ANKRD30B: variants seen among roughly 807,000 people sequenced by gnomAD.
ANKRD30B encodes ankyrin repeat domain-containing protein 30B.
ANKRD30B carries 144 observed loss-of-function variants against 202.2 expected under a neutral mutation model. The observed-to-expected ratio is 0.71, with a 90% CI of 0.62 to 0.82. The LOEUF (loss-of-function observed/expected upper bound fraction) is 0.82, where lower values mean the gene tolerates loss of function less well. Among genes scored for constraint, ANKRD30B ranks in the 40% least tolerant of loss-of-function variants. The pLI is 0.00. For synonymous variants in ANKRD30B, 508 were observed against 561.3 expected, an observed-to-expected ratio of 0.91 and a Z score of 1.34; for missense variants, 1,487 against 1,669.1, an observed-to-expected ratio of 0.89 and a Z score of 1.90.
rs1026033032 is a variant in ANKRD30B at position 14,799,434 on chromosome 18, A to G, written c.2131+139A>G. The G allele has an allele frequency of 2.0e-5, 19 of 940,264 alleles. 1 individual carries two copies. The highest frequency in any genetic ancestry group is 3.2e-5 in the Admixed American group (1 of 31,140). 58.2% of individuals were successfully genotyped at this position (940,264 alleles called of 1,614,324 possible). The stretch of plus-strand genomic sequence containing the variant: ...TTGATAAAATAATGGCAACATTAGT[A>G]TTCATGTTTGAGAAAATGCCATTTA... On this transcript the variant is annotated intron_variant, in intron 22 of 43. Coordinates refer to ENST00000690538, the MANE Select transcript of ANKRD30B (RefSeq NM_001367607.2).
the ANKRD30B span, among the ~76,000 whole-genome samples, chr18:14,866,799 G>C: frequency 6.6e-6 from 1 of 151,892 alleles, no homozygotes; most frequent in Non-Finnish European, 1.5e-5. Context: ...CGCTATCAGG[G>C]TCTACACTGC....
chr18:14,757,858 G>T lies in ANKRD30B; in HGVS notation c.661G>T (p.Val221Phe), dbSNP rs751667674. ...LAICEGSSEIVGMLLQQNVDV... is the reference protein window; with the variant it reads ...LAICEGSSEIFGMLLQQNVDV... ...CATATGTGAAGGCTCATCAGAGATA[G>T]TCGGCATGCTTCTTCAGCAAAATGT... The change falls in exon 5 of 44, where the codon GTC (valine) becomes TTC (phenylalanine). Residue 221 changes from valine to phenylalanine, a missense_variant. By Grantham distance (50) the Val-to-Phe change is conservative. Transcript: ENST00000690538. 4 of 1,613,874 alleles carry T rather than the reference G, an allele frequency of 2.5e-6. No homozygotes were observed. The highest frequency in any genetic ancestry group is 3.4e-6 in the Non-Finnish European group (4 of 1,179,930).
chr18:14,938,700 G>T, the ANKRD30B span, among the ~76,000 whole-genome samples: 1 of 152,190 alleles, frequency 6.6e-6, no homozygotes, highest in Admixed American at 6.5e-5. Context: ...TGAACATGGG[G>T]AGTCGGGCTA....
At chr18:14,767,955 C>T (rs72871984) in intron 7 of ANKRD30B, among the ~76,000 whole-genome samples, 2 of 152,078 alleles carry the variant, frequency 1.3e-5, no homozygotes, top group Admixed American at 6.5e-5. Flanking sequence ...TGTTTTCTGG[C>T]GTACAACTCA....
At chr18:14,810,802 T>C (rs1568037604) in intron 28 of ANKRD30B, among the ~76,000 whole-genome samples, 1 of 151,180 alleles carries the variant, frequency 6.6e-6, no homozygotes, top group Non-Finnish European at 1.5e-5. Context: ...TTGTTGTCAT[T>C]CCCATGCATG....
the ANKRD30B span, among the ~76,000 whole-genome samples, chr18:14,869,184 A>G: frequency 1.3e-5 from 2 of 152,206 alleles, no homozygotes; most frequent in African/African-American, 2.4e-5. Flanking sequence ...TTTTCTTGCT[A>G]GCTTGAGGGT....
chr18:14,937,626 T>C, the ANKRD30B span, among the ~76,000 whole-genome samples: 1 of 151,652 alleles, frequency 6.6e-6, no homozygotes, highest in African/African-American at 2.4e-5. Context: ...TTCCTCGAGC[T>C]TAATAAAACC....
chr18:14,791,231 G>T (rs947029386), intron 15 of ANKRD30B, among the ~76,000 whole-genome samples, 170 bp from the exon 16 acceptor site: 39 of 152,082 alleles, frequency 2.6e-4, no homozygotes, highest in African/African-American at 9.4e-4. Context: ...TGGGATTGAT[G>T]GTGATTTCTA....
At chr18:14,749,757 G>GA (rs1390724070) in intron 1 of ANKRD30B, among the ~76,000 whole-genome samples, 1 of 145,624 alleles carries the variant, frequency 6.9e-6, no homozygotes, top group African/African-American at 2.5e-5. Context: ...CAACAGAATA[G>GA]AAAATCCAGA....
the ANKRD30B span, among the ~76,000 whole-genome samples, chr18:14,924,148 A>C: frequency 1.8e-4 from 28 of 152,360 alleles, no homozygotes; most frequent in African/African-American, 6.3e-4. Context: ...CTTGAAATAA[A>C]GAGAAAAGAA....
Position 14,772,142 on chromosome 18 carries a change from A to T in ANKRD30B, c.1257-14A>T. The T allele has an allele frequency of 6.8e-7, 1 of 1,465,744 alleles. No individual in the cohort carries two copies. Among genetic ancestry groups the T allele is most frequent in the Non-Finnish European group, 9.1e-7 (1 of 1,095,302 alleles). 90.8% of individuals were successfully genotyped at this position (1,465,744 alleles called of 1,614,324 possible). A position where few individuals can be genotyped will look rare whatever the true frequency, so the allele number is the denominator to read the frequency against. On this transcript the variant is annotated splice_polypyrimidine_tract_variant and intron_variant, in intron 8 of 43. Coordinates refer to ENST00000690538, the MANE Select transcript of ANKRD30B (RefSeq NM_001367607.2). ...TGAATTTGCTCATTTATGTTGTATC[A>T]TTTTTCTTTAAAGTCTTTTTGGCAC...
At chr18:14,913,467 TATATTAAG>T in the ANKRD30B span, among the ~76,000 whole-genome samples, 1 of 152,198 alleles carries the variant, frequency 6.6e-6, no homozygotes, top group Non-Finnish European at 1.5e-5. Flanking sequence ...GGTATTCAAA[TATATTAAG>T]ATAATTTATT....
chr18:14,821,360 T>A (rs1311425729), intron 30 of ANKRD30B, among the ~76,000 whole-genome samples: 1 of 152,206 alleles, frequency 6.6e-6, no homozygotes, highest in Non-Finnish European at 1.5e-5. Flanking sequence ...TGTCTCTATT[T>A]CCTTCAGTTC....
chr18:14,855,223 G>C (rs1459435926), downstream of ANKRD30B, among the ~76,000 whole-genome samples: 5 of 152,148 alleles, frequency 3.3e-5, no homozygotes, highest in Non-Finnish European at 5.9e-5. Flanking sequence ...GGGGTTGGGG[G>C]TAAGGTTATA....
chr18:14,748,334 G>C lies in ANKRD30B; in HGVS notation c.-86G>C. On this transcript the variant is annotated 5_prime_UTR_variant, in exon 1 of 44. Coordinates refer to ENST00000690538, the MANE Select transcript of ANKRD30B (RefSeq NM_001367607.2). ...CGAGCCGGGGGCGGGTGCTGGGGAA[G>C]GGTAAGCGGGAAGCGAGGGCGAGGG... 1.7e-6 allele frequency: 2 copies of C among 1,177,512 alleles called. No homozygotes were observed. The highest frequency in any genetic ancestry group is 2.3e-6 in the Non-Finnish European group (2 of 875,466). The allele number at this position is 1,177,512 out of a possible 1,614,324, so 72.9% of individuals were successfully genotyped here.
chr18:14,852,529 A>G lies in ANKRD30B; in HGVS notation c.4476+109A>G, dbSNP rs1971936744. 5 of 1,330,480 alleles carry G rather than the reference A, an allele frequency of 3.8e-6. No individual in the cohort carries two copies. The South Asian group carries it at 1.0e-4, about 28-fold the overall frequency. 82.4% of individuals were successfully genotyped at this position (1,330,480 alleles called of 1,614,324 possible). A position where few individuals can be genotyped will look rare whatever the true frequency, so the allele number is the denominator to read the frequency against. The stretch of plus-strand genomic sequence containing the variant: ...ATATATATAAATAGATGATAAATGT[A>G]CTTACTATATCAGCTTAGAAACATG... On this transcript the variant is annotated intron_variant, in intron 42 of 43. Coordinates refer to ENST00000690538, the MANE Select transcript of ANKRD30B (RefSeq NM_001367607.2).
chr18:14,923,224 C>A, the ANKRD30B span, among the ~76,000 whole-genome samples: 1 of 152,158 alleles, frequency 6.6e-6, no homozygotes, highest in Non-Finnish European at 1.5e-5. Context: ...TGATTTCAGG[C>A]CTTGGCTCTT....
chr18:14,763,463 C>G (rs575045255), intron 6 of ANKRD30B, among the ~76,000 whole-genome samples: 1 of 152,038 alleles, frequency 6.6e-6, no homozygotes, highest in African/African-American at 2.4e-5. Flanking sequence ...AGGAGAGTCG[C>G]TTGAGGTAGG....
intron 15 of ANKRD30B, among the ~76,000 whole-genome samples, chr18:14,789,432 T>G (rs2143912132): frequency 6.6e-6 from 1 of 152,308 alleles, no homozygotes; most frequent in Non-Finnish European, 1.5e-5. Context: ...TTGTTGCCAT[T>G]GCTTTTGGTG....
Sources: allele counts gnomAD v4.1 joint callset (sites outside exome capture counted in the v4.1 genomes callset), GRCh38; gene constraint gnomAD v4.1.1; transcripts MANE v1.5; gene names NCBI Gene and HGNC (gene_info 2026-07-23, HGNC 2026-07-21).